The following ERC1 variants were observed in gnomAD, a reference collection of about 807,000 sequenced individuals.
ERC1 encodes the protein ELKS/RAB6-interacting/CAST family member 1, also known as RAB6 interacting protein 2.
In ERC1, 56 loss-of-function variants were observed where a neutral mutation model predicts 132.0. That is an observed-to-expected ratio of 0.42 (90% CI 0.34 to 0.53). The LOEUF (loss-of-function observed/expected upper bound fraction) is 0.53. Ranked by LOEUF, ERC1 falls within the 20% of genes least tolerant of loss-of-function variation. The pLI is 0.03. For missense variants in ERC1, 1,202 were observed against 1,349.9 expected (o/e 0.89, Z 1.72); for synonymous variants, 478 against 476.1 (o/e 1.00, Z -0.05).
Position 1,189,707 on chromosome 12 carries a change from C to T in ERC1, c.2158-152C>T, listed in dbSNP as rs1036794295. On this transcript the variant is annotated intron_variant, in intron 11 of 18. Transcript: ENST00000360905. ...ATTACTAATATTTGTCTATATAATA[C>T]TTAAGCAGATAAAAACCTTATAAAT... is the stretch of plus-strand genomic sequence containing the variant. 2.6e-5 allele frequency: 14 copies of T among 547,068 alleles called. No homozygotes were observed. In the African/African-American group the frequency reaches 2.6e-4, roughly 10 times the overall value. 33.9% of individuals were successfully genotyped at this position (547,068 alleles called of 1,614,324 possible).
chr12:1,177,223 T>C (rs904912703), intron 8 of ERC1, among the ~76,000 whole-genome samples: 3 of 152,132 alleles, frequency 2.0e-5, no homozygotes, highest in Non-Finnish European at 4.4e-5. Context: ...AGCAATAAGG[T>C]TGATTTCTTT....
chr12:1,433,098 A>C (rs975847887), intron 17 of ERC1, among the ~76,000 whole-genome samples: 5 of 152,362 alleles, frequency 3.3e-5, no homozygotes, highest in Admixed American at 3.3e-4. Flanking sequence ...GTGATGCCAC[A>C]GCAGCCGTTG....
chr12:1,403,625 G>A (rs1023765087), intron 16 of ERC1, among the ~76,000 whole-genome samples: 4 of 151,918 alleles, frequency 2.6e-5, no homozygotes, highest in African/African-American at 4.8e-5. Flanking sequence ...ATTCTCTGAC[G>A]TGGATCAAAT....
intron 12 of ERC1, among the ~76,000 whole-genome samples, chr12:1,217,618 C>T (rs901052896): frequency 1.3e-5 from 2 of 152,196 alleles, no homozygotes; most frequent in Non-Finnish European, 2.9e-5. Flanking sequence ...TACAATTCAG[C>T]TCTGGCCAAC....
Position 1,028,119 on chromosome 12 carries a change from GTATC to G in ERC1, c.219_222del (p.Tyr73Ter). ...CTGCCTATGCCACCTCTGGCCCTAT[GTATC>G]TAAGTGACCATGAAAATGTGGGTTC... On this transcript the variant is annotated frameshift_variant, in exon 2 of 19. Transcript: ENST00000360905. LOFTEE classifies it high-confidence loss of function. The G allele has an allele frequency of 6.2e-7, 1 of 1,614,162 alleles. No individual in the cohort carries two copies. Among genetic ancestry groups the G allele is most frequent in the Non-Finnish European group, 8.5e-7 (1 of 1,180,032 alleles).
At chr12:1,371,703 G>A (rs570782911) in intron 15 of ERC1, 130 bp from the exon 16 acceptor site, 2 of 1,216,490 alleles carry the variant, frequency 1.6e-6, no homozygotes, top group East Asian at 5.2e-5. Flanking sequence ...TTGTTGGAAG[G>A]GGTGAATGGC....
intron 18 of ERC1, among the ~76,000 whole-genome samples, chr12:1,473,304 G>A (rs1452435926): frequency 6.6e-6 from 1 of 152,182 alleles, no homozygotes; most frequent in East Asian, 1.9e-4. Flanking sequence ...TGGGATTACA[G>A]GTGTGAGCCA....
At chr12:1,238,161 CTT>C (rs34549684) in intron 13 of ERC1, among the ~76,000 whole-genome samples, 5 of 143,680 alleles carry the variant, frequency 3.5e-5, no homozygotes, top group Non-Finnish European at 4.6e-5. Context: ...GTTCTTCCTC[CTT>C]TTTTTTTTTT....
At chr12:1,408,356 T>C in intron 17 of ERC1, 109 bp downstream of exon 17, 1 of 685,444 alleles carries the variant, frequency 1.5e-6, no homozygotes, top group Non-Finnish European at 2.4e-6. Flanking sequence ...AGAATAAAAA[T>C]AAATAGCTAA....
chr12:1,027,901 A>G lies in ERC1; in HGVS notation c.-3A>G, dbSNP rs1967162094. ...TGCTCACACCTTTCCTGACCTTGCA[A>G]CCATGTATGGAAGTGCCCGCTCTGT... On this transcript the variant is annotated 5_prime_UTR_variant, in exon 2 of 19. Coordinates refer to ENST00000360905, the MANE Select transcript of ERC1 (RefSeq NM_178040.4). 4.4e-6 allele frequency: 7 copies of G among 1,593,178 alleles called. No individual in the cohort carries two copies. The Admixed American group carries it at 7.0e-5, about 16-fold the overall frequency.
chr12:1,199,113 C>G (rs1052047893), intron 12 of ERC1, among the ~76,000 whole-genome samples: 5 of 151,296 alleles, frequency 3.3e-5, no homozygotes, highest in Non-Finnish European at 7.4e-5. Context: ...CTGGGGATCA[C>G]AATTCAACAT....
In ERC1 at chr12:1,480,566, A is replaced by AGTT. The variant is rs2094069009; in HGVS notation, c.3214-9527_3214-9526insGTT. Among the ~76,000 whole-genome samples, 19 of 152,214 alleles carry AGTT rather than the reference A, an allele frequency of 1.2e-4. 1 individual carries two copies. The highest frequency in any genetic ancestry group is 1.2e-3 in the Admixed American group (19 of 15,286). The stretch of plus-strand genomic sequence containing the variant: ...CTGCGTTTGGATTTGTAGTCTTAAC[A>AGTT]AGGCAATAAATGGAAGGGGAAAGAA... On this transcript the variant is annotated intron_variant, in intron 18 of 18. Transcript: ENST00000360905.
At chr12:1,271,580 C>T (rs554519285) in intron 14 of ERC1, among the ~76,000 whole-genome samples, 3 of 152,228 alleles carry the variant, frequency 2.0e-5, no homozygotes, top group Non-Finnish European at 2.9e-5. Context: ...GATGAGTTCT[C>T]GATATGTTGT....
rs150104760 is a variant in ERC1, at chr12:1,137,120, G to C, written c.1570-4500G>C. 8.8e-3 allele frequency among the ~76,000 whole-genome samples: 952 copies of C among 107,944 alleles called. 12 individuals carry two copies. Among genetic ancestry groups the C allele is most frequent in the African/African-American group, 0.034 (903 of 26,932 alleles). 70.8% of individuals were successfully genotyped at this position (107,944 alleles called of 152,430 possible). A position where few individuals can be genotyped will look rare whatever the true frequency, so the allele number is the denominator to read the frequency against. On this transcript the variant is annotated intron_variant, in intron 7 of 18. Coordinates refer to ENST00000360905, the MANE Select transcript of ERC1 (RefSeq NM_178040.4). ...CTTTTCTTTTTTTTTTTTTTTTTGAGACAGAGTCTCACTCTGTTGGCAGGC... is the reference window on the plus strand; with the variant it reads ...CTTTTCTTTTTTTTTTTTTTTTTGACACAGAGTCTCACTCTGTTGGCAGGC...
chr12:1,248,414 T>C (rs2076282133), intron 13 of ERC1, among the ~76,000 whole-genome samples: 1 of 152,140 alleles, frequency 6.6e-6, no homozygotes, highest in Non-Finnish European at 1.5e-5. Context: ...GAGGGAAATA[T>C]TTTGGGCAAC....
At chr12:1,185,364 G>A (rs1012878300) in intron 11 of ERC1, among the ~76,000 whole-genome samples, 1 of 151,332 alleles carries the variant, frequency 6.6e-6, no homozygotes, top group African/African-American at 2.4e-5. Context: ...AATGCTTAAT[G>A]CTTTTTTTTT....
chr12:1,142,444 G>A (rs1358531046), intron 8 of ERC1, among the ~76,000 whole-genome samples: 5 of 152,090 alleles, frequency 3.3e-5, no homozygotes, highest in African/African-American at 4.8e-5. Context: ...AAAAAATGTT[G>A]TACATGTTTA....
chr12:1,122,603 CT>C lies in ERC1; in HGVS notation c.1569+6571del, dbSNP rs1169743777. Among the ~76,000 whole-genome samples, 28 of 56,294 alleles carry C rather than the reference CT, an allele frequency of 5.0e-4. 3 individuals carry two copies. Among genetic ancestry groups the C allele is most frequent in the South Asian group, 2.3e-3 (2 of 870 alleles). The allele number at this position is 56,294 out of a possible 152,430, so 36.9% of individuals were successfully genotyped here. ...TCTCTATCTCTATCTCTATCTGTGT[CT>C]CTATCTCTATCTCTATCTGTGTCTC... On this transcript the variant is annotated intron_variant, in intron 7 of 18. Coordinates refer to ENST00000360905, the MANE Select transcript of ERC1 (RefSeq NM_178040.4).
intron 17 of ERC1, among the ~76,000 whole-genome samples, chr12:1,415,495 T>G (rs1446000807): frequency 6.6e-6 from 1 of 152,240 alleles, no homozygotes; most frequent in African/African-American, 2.4e-5. Flanking sequence ...TCCTTCTCTT[T>G]TGGCATTTCC....
Sources: gnomAD v4.1 joint callset for allele counts (sites outside exome capture counted in the v4.1 genomes callset) on GRCh38, gnomAD v4.1.1 for gene constraint, MANE v1.5 for transcripts, NCBI Gene and HGNC (gene_info 2026-07-23, HGNC 2026-07-21) for gene names.